GAS7: variants seen among roughly 807,000 people sequenced by gnomAD.
GAS7 encodes the protein growth arrest specific 7.
A neutral mutation model predicts 71.1 loss-of-function variants in GAS7; 28 were observed. The ratio of observed to expected loss-of-function variants is 0.39; its 90% CI spans 0.29 to 0.54. The LOEUF (loss-of-function observed/expected upper bound fraction) is 0.54. Among genes scored for constraint, GAS7 ranks in the 20% least tolerant of loss-of-function variants. The probability of loss-of-function intolerance (pLI) is 0.62; values close to 1 mark genes in which losing one functional copy is unlikely to be tolerated. For synonymous variants in GAS7, 258 were observed against 245.8 expected (o/e 1.05, Z -0.46); for missense variants, 436 against 627.8 (o/e 0.69, Z 3.27).
chr17:9,919,322 C>T lies in GAS7; in HGVS notation c.1218+304G>A, dbSNP rs2067709211. Among the ~76,000 whole-genome samples, 3 of 152,104 alleles carry T rather than the reference C, an allele frequency of 2.0e-5. No homozygotes were observed. The South Asian group carries it at 6.2e-4, about 32-fold the overall frequency. On this transcript the variant is annotated intron_variant, in intron 12 of 13. Transcript: ENST00000432992. The surrounding 1 kb of genome is among the most constrained non-coding windows in gnomAD (Gnocchi z 5.0). ...AGCTTGGCTATTTTTCCTAAAGAGG[C>T]CCTTGTCCACTTAGTTGAGGAGAGT...
intron 1 of GAS7, chr17:10,036,728 T>C (rs1348725265): frequency 4.0e-6 from 5 of 1,254,686 alleles, no homozygotes; most frequent in South Asian, 2.8e-5. Context: ...TGTTCTGGAC[T>C]TTCCAGATGC....
At chr17:9,973,695 C>T (rs559659637) in intron 3 of GAS7, among the ~76,000 whole-genome samples, 31 of 152,258 alleles carry the variant, frequency 2.0e-4, no homozygotes, top group African/African-American at 5.3e-4. Context: ...ATGACCTCCC[C>T]GCAAAAGGCA....
At chr17:10,165,721 C>T (rs56168502) in intron 1 of GAS7, among the ~76,000 whole-genome samples, 2,826 of 152,310 alleles carry the variant, frequency 0.019, 88 homozygotes, top group African/African-American at 0.065. Flanking sequence ...TATATAGAGG[C>T]TCCCCTACTC....
intron 1 of GAS7, among the ~76,000 whole-genome samples, chr17:10,076,171 G>A (rs376531053): frequency 8.7e-6 from 1 of 115,396 alleles, no homozygotes; most frequent in African/African-American, 3.4e-5. Context: ...AGGGGAAAGG[G>A]AAAGGGAAAG....
chr17:9,929,024 T>C (rs1216208661), intron 9 of GAS7, among the ~76,000 whole-genome samples: 1 of 152,164 alleles, frequency 6.6e-6, no homozygotes, highest in Non-Finnish European at 1.5e-5. Context: ...ACCTTCCCTG[T>C]ATAGGAAAAC....
chr17:9,938,057 G>A (rs1386710130), intron 8 of GAS7, among the ~76,000 whole-genome samples: 1 of 152,156 alleles, frequency 6.6e-6, no homozygotes, highest in African/African-American at 2.4e-5. Context: ...CGTCATGCTA[G>A]TATGGACTAA....
rs973127115 is a variant in GAS7 at position 10,144,163 on chromosome 17, G to A, written c.183+54045C>T. 9.2e-5 allele frequency among the ~76,000 whole-genome samples: 14 copies of A among 152,354 alleles called. 2 individuals are homozygous for A. Among genetic ancestry groups the A allele is most frequent in the Admixed American group, 6.5e-4 (10 of 15,304 alleles). ...AGTAACTCAAGGACTGTGGGGTACA[G>A]AGAAGGCTAGTGACTGTTTCCCCTT... On this transcript the variant is annotated intron_variant, in intron 1 of 13. Transcript: ENST00000432992.
chr17:10,180,444 C>A (rs1033005141), intron 1 of GAS7, among the ~76,000 whole-genome samples: 3 of 151,978 alleles, frequency 2.0e-5, no homozygotes, highest in African/African-American at 7.3e-5. Context: ...CTAAACACCA[C>A]GCTCATCACC....
intron 2 of GAS7, among the ~76,000 whole-genome samples, chr17:10,004,412 G>A (rs1007474573): frequency 1.3e-5 from 2 of 152,004 alleles, no homozygotes; most frequent in Non-Finnish European, 2.9e-5. Flanking sequence ...CCCTTTAAAA[G>A]CTCACTCTGG....
chr17:9,959,398 G>A lies in GAS7; in HGVS notation c.472-143C>T. 10 of 1,493,528 alleles carry A rather than the reference G, an allele frequency of 6.7e-6. No individual in the cohort carries two copies. Among genetic ancestry groups the A allele is most frequent in the Non-Finnish European group, 8.9e-6 (10 of 1,118,588 alleles). The allele number at this position is 1,493,528 out of a possible 1,614,324, so 92.5% of individuals were successfully genotyped here. ...CCTAAGTCACCATATTCTGGGCCAG[G>A]GCAAGCAGGGGTCTCCCTGACCCCA... On this transcript the variant is annotated intron_variant, in intron 4 of 13. Transcript: ENST00000432992. This position sits in a 1 kb window ranked among gnomAD's most constrained non-coding sequence, Gnocchi z 5.0.
Position 10,026,117 on chromosome 17 carries a change from C to G in GAS7, c.184-6220G>C, listed in dbSNP as rs928444335. On this transcript the variant is annotated intron_variant, in intron 1 of 13. Transcript: ENST00000432992. This position sits in a 1 kb window ranked among gnomAD's most constrained non-coding sequence, Gnocchi z 4.5. Reference sequence around the variant, plus strand: ...CCTCCACCTCCGGGACTCTCTCCCCCTCCGGAGGTTTCTGAGAACACCTGA... The same window carrying G: ...CCTCCACCTCCGGGACTCTCTCCCCGTCCGGAGGTTTCTGAGAACACCTGA... The G allele has an allele frequency of 5.1e-6, 5 of 972,986 alleles. No individual in the cohort carries two copies. The highest frequency in any genetic ancestry group is 6.1e-6 in the Non-Finnish European group (5 of 818,612). The allele number at this position is 972,986 out of a possible 1,614,324, so 60.3% of individuals were successfully genotyped here.
chr17:10,052,698 C>T (rs1345285112), intron 1 of GAS7, among the ~76,000 whole-genome samples: 1 of 152,226 alleles, frequency 6.6e-6, no homozygotes, highest in African/African-American at 2.4e-5. Context: ...AAGCCCCTCT[C>T]GTGTAGGCTG....
At chr17:9,930,081 G>A (rs2068155956) in intron 9 of GAS7, among the ~76,000 whole-genome samples, 1 of 152,218 alleles carries the variant, frequency 6.6e-6, no homozygotes, top group Non-Finnish European at 1.5e-5. Context: ...GCCGAGAGTT[G>A]TGAAATCGAT....
At chr17:9,991,218 C>T (rs2070829474) in intron 2 of GAS7, among the ~76,000 whole-genome samples, 1 of 152,198 alleles carries the variant, frequency 6.6e-6, no homozygotes, top group African/African-American at 2.4e-5. Flanking sequence ...TTGATGCCTA[C>T]AAGGAGCACA....
chr17:9,917,572 T>C (rs2067626042), intron 13 of GAS7, among the ~76,000 whole-genome samples: 1 of 152,204 alleles, frequency 6.6e-6, no homozygotes, highest in Non-Finnish European at 1.5e-5. Context: ...CAGGCCTGGA[T>C]GAGAGGCCAG....
chr17:9,944,498 C>T (rs1452511203), intron 6 of GAS7, among the ~76,000 whole-genome samples: 2 of 152,274 alleles, frequency 1.3e-5, no homozygotes, highest in East Asian at 3.9e-4. Flanking sequence ...CTCTCAGATC[C>T]CATCCAGATC....
intron 1 of GAS7, among the ~76,000 whole-genome samples, chr17:10,174,649 A>G (rs9905336): frequency 0.33 from 49,387 of 151,296 alleles, 8,917 homozygotes; most frequent in East Asian, 0.49. Context: ...CTGAGATCGC[A>G]CCACTGCACT....
intron 4 of GAS7, among the ~76,000 whole-genome samples, chr17:9,963,477 G>A (rs2069582018): frequency 6.6e-6 from 1 of 152,104 alleles, no homozygotes; most frequent in Non-Finnish European, 1.5e-5. Context: ...TTTTGGTGGG[G>A]GAAGAGAGAG....
At chr17:10,196,227 T>C (rs2074539377) in intron 1 of GAS7, among the ~76,000 whole-genome samples, 1 of 152,194 alleles carries the variant, frequency 6.6e-6, no homozygotes, top group African/African-American at 2.4e-5. Context: ...CAGGGGGTGA[T>C]ACTCAGTCAT....
Sources: gnomAD v4.1 joint callset for allele counts (sites outside exome capture counted in the v4.1 genomes callset) on GRCh38, gnomAD v4.1.1 for gene constraint, Gnocchi (gnomAD v3.1) non-coding constraint, MANE v1.5 for transcripts, NCBI Gene and HGNC (gene_info 2026-07-23, HGNC 2026-07-21) for gene names.